TSHZ3: variants seen among roughly 807,000 people sequenced by gnomAD.
TSHZ3 encodes the protein teashirt zinc finger homeobox 3.
Under a neutral mutation model 64.5 loss-of-function variants are expected in TSHZ3, and 10 were observed. The observed-to-expected ratio is 0.16, with a 90% CI of 0.10 to 0.26. The LOEUF (loss-of-function observed/expected upper bound fraction) is 0.26, where lower values mean the gene tolerates loss of function less well. Ranked by LOEUF, TSHZ3 falls within the 10% of genes least tolerant of loss-of-function variation. The pLI is 1.00. For synonymous variants in TSHZ3, 608 were observed against 593.1 expected, an observed-to-expected ratio of 1.03 and a Z score of -0.36; for missense variants, 1,242 against 1,421.7, an observed-to-expected ratio of 0.87 and a Z score of 2.03.
chr19:31,333,788 G>C (rs898450864), intron 1 of TSHZ3, among the ~76,000 whole-genome samples: 1 of 152,024 alleles, frequency 6.6e-6, no homozygotes, highest in Admixed American at 6.6e-5. Flanking sequence ...GCGCGTTCCC[G>C]TTAAAAATGG....
At chr19:31,199,093 C>T (rs557632331) in intron 5 of TSHZ3, among the ~76,000 whole-genome samples, 1 of 151,926 alleles carries the variant, frequency 6.6e-6, no homozygotes, top group African/African-American at 2.4e-5. Context: ...GAATAAAAAC[C>T]CCAGAAATAG....
chr19:31,210,442 T>C (rs1418450429), intron 4 of TSHZ3, among the ~76,000 whole-genome samples: 1 of 152,064 alleles, frequency 6.6e-6, no homozygotes, highest in Non-Finnish European at 1.5e-5. Context: ...AGAATGCCTC[T>C]CCCCAAAGCA....
chr19:31,274,401 CTGCTTATCTG>C (rs1356291956), downstream of TSHZ3, among the ~76,000 whole-genome samples: 2 of 152,194 alleles, frequency 1.3e-5, no homozygotes, highest in Admixed American at 1.3e-4. Context: ...ACACCCCTGC[CTGCTTATCTG>C]TGGCTGTTTT....
intron 1 of TSHZ3, among the ~76,000 whole-genome samples, chr19:31,323,863 A>AACACACACACACACACACAC (rs58051976): frequency 1.6e-5 from 2 of 122,328 alleles, no homozygotes; most frequent in African/African-American, 3.0e-5. Context: ...CCTGGCCTCC[A>AACACACACACACACACACAC]ACACACACAC....
intron 6 of TSHZ3, among the ~76,000 whole-genome samples, chr19:31,154,446 T>C (rs533388506): frequency 1.1e-4 from 16 of 152,138 alleles, no homozygotes; most frequent in African/African-American, 3.9e-4. Context: ...CATTCCTCAG[T>C]GGACAGTAGG....
intron 1 of TSHZ3, among the ~76,000 whole-genome samples, chr19:31,333,409 A>G (rs1413898284): frequency 3.9e-5 from 6 of 152,042 alleles, no homozygotes; most frequent in Admixed American, 1.3e-4. Flanking sequence ...TCCTGTAACA[A>G]GTCAATTTAC....
intron 5 of TSHZ3, among the ~76,000 whole-genome samples, chr19:31,169,077 T>C (rs750290632): frequency 7.3e-5 from 11 of 150,824 alleles, no homozygotes; most frequent in Non-Finnish European, 1.3e-4. Flanking sequence ...AGATGGTCAC[T>C]CCACCCAGTG....
intron 1 of TSHZ3, among the ~76,000 whole-genome samples, chr19:31,289,130 C>T (rs574788507): frequency 1.3e-5 from 2 of 152,366 alleles, no homozygotes; most frequent in African/African-American, 4.8e-5. Context: ...GGTGCACCAA[C>T]TGCACAGGGG....
At chr19:31,328,305 G>T (rs1007622673) in intron 1 of TSHZ3, among the ~76,000 whole-genome samples, 1 of 152,254 alleles carries the variant, frequency 6.6e-6, no homozygotes, top group African/African-American at 2.4e-5. Flanking sequence ...ACTTCTCTGA[G>T]TGTGAGCCTT....
Position 31,277,951 on chromosome 19 carries a change from C to T in TSHZ3, c.1842G>A (p.Val614=), listed in dbSNP as rs764728462. Residue 614 remains valine, a synonymous_variant, in exon 2 of 2, where the codon GTG becomes GTA. Transcript: ENST00000240587. The surrounding 1 kb of genome is among the most constrained non-coding windows in gnomAD (Gnocchi z 4.5). ...KTNFHAMEEL[V]KKVTEKVAKV... The stretch of plus-strand genomic sequence containing the variant: ...TGGCAACTTTCTCAGTGACCTTTTT[C>T]ACCAGCTCCTCCATGGCATGAAAGT... 3.1e-6 allele frequency: 5 copies of T among 1,614,106 alleles called. No individual in the cohort carries two copies. The East Asian group carries it at 8.9e-5, about 29-fold the overall frequency.
chr19:31,339,966 T>C (rs994023074), intron 1 of TSHZ3, among the ~76,000 whole-genome samples: 7 of 152,046 alleles, frequency 4.6e-5, no homozygotes, highest in South Asian at 2.1e-4. Flanking sequence ...TATTTATTTA[T>C]TTTTTAATGG....
At chr19:31,321,816 T>C (rs113773889) in intron 1 of TSHZ3, among the ~76,000 whole-genome samples, 9 of 151,998 alleles carry the variant, frequency 5.9e-5, no homozygotes, top group African/African-American at 2.2e-4. Context: ...ACGCATTTCC[T>C]TGAAGATGTT....
chr19:31,269,115 C>T (rs1271295318), intron 1 of TSHZ3, among the ~76,000 whole-genome samples: 1 of 152,070 alleles, frequency 6.6e-6, no homozygotes. Flanking sequence ...TCATAGCAGC[C>T]CTTCAAACTC....
chr19:31,257,661 A>AC (rs111521802), intron 1 of TSHZ3, among the ~76,000 whole-genome samples: 51,752 of 151,666 alleles, frequency 0.34, 13,173 homozygotes, highest in African/African-American at 0.71. Context: ...GGCAGCACAG[A>AC]TTGGCCGGCT....
intron 5 of TSHZ3, among the ~76,000 whole-genome samples, chr19:31,181,679 A>G (rs1974717382): frequency 6.6e-6 from 1 of 152,226 alleles, no homozygotes; most frequent in Non-Finnish European, 1.5e-5. Flanking sequence ...ACAGGCTGAC[A>G]GAAGAAATGC....
chr19:31,269,390 C>T (rs950216995), intron 1 of TSHZ3, among the ~76,000 whole-genome samples: 2 of 152,134 alleles, frequency 1.3e-5, no homozygotes, highest in Non-Finnish European at 2.9e-5. Flanking sequence ...ACCGTACCTC[C>T]ATTTTTTTTA....
chr19:31,200,141 A>G (rs897126980), intron 5 of TSHZ3, among the ~76,000 whole-genome samples: 3 of 152,122 alleles, frequency 2.0e-5, no homozygotes, highest in Admixed American at 1.3e-4. Context: ...GAAACAGCCA[A>G]TTTGGAAGAT....
At chr19:31,330,101 T>G (rs1480392584) in intron 1 of TSHZ3, among the ~76,000 whole-genome samples, 3 of 152,052 alleles carry the variant, frequency 2.0e-5, no homozygotes, top group African/African-American at 7.2e-5. Flanking sequence ...TTTATTTCCT[T>G]TCAAAGAGGG....
At chr19:31,151,859 T>C (rs1974244193) in intron 6 of TSHZ3, among the ~76,000 whole-genome samples, 1 of 152,194 alleles carries the variant, frequency 6.6e-6, no homozygotes, top group South Asian at 2.1e-4. Context: ...CATTTTTTCA[T>C]TATTCTTTAG....
Sources: allele counts gnomAD v4.1 joint callset (sites outside exome capture counted in the v4.1 genomes callset), GRCh38; gene constraint gnomAD v4.1.1; non-coding constraint Gnocchi (gnomAD v3.1); transcripts MANE v1.5; gene names NCBI Gene and HGNC (gene_info 2026-07-23, HGNC 2026-07-21).